The following CFAP221 variants were observed in gnomAD, a reference collection of about 807,000 sequenced individuals.
CFAP221 encodes cilia- and flagella-associated protein 221.
In CFAP221, 97 loss-of-function variants were observed where a neutral mutation model predicts 113.1. The observed-to-expected ratio is 0.86, with a 90% CI of 0.73 to 1.02. CFAP221 has a LOEUF of 1.02. Among genes scored for constraint, CFAP221 ranks in the 50% least tolerant of loss-of-function variants. The pLI, the probability that CFAP221 is intolerant of heterozygous loss-of-function variation, is 0.00. For missense variants in CFAP221, 1,025 were observed against 1,013.4 expected (o/e 1.01, Z -0.16); for synonymous variants, 331 against 354.4 (o/e 0.93, Z 0.74).
Position 119,646,169 on chromosome 2 carries a change from T to C in CFAP221, c.2226-789T>C, listed in dbSNP as rs184191390. 7.2e-5 allele frequency among the ~76,000 whole-genome samples: 11 copies of C among 152,298 alleles called. No individual in the cohort carries two copies. The East Asian group carries it at 1.4e-3, about 19-fold the overall frequency. On this transcript the variant is annotated intron_variant, in intron 21 of 23. Coordinates refer to ENST00000413369, the MANE Select transcript of CFAP221 (RefSeq NM_001271049.2). Reference sequence around the variant, plus strand: ...GTGGGGAGGAAGATATGAAATGGAATAGAATGTCTAAGAAGGAGTATAAAG... The same window carrying C: ...GTGGGGAGGAAGATATGAAATGGAACAGAATGTCTAAGAAGGAGTATAAAG...
At chr2:119,601,464 A>G in intron 8 of CFAP221, 87 bp downstream of exon 8, 2 of 1,233,208 alleles carry the variant, frequency 1.6e-6, no homozygotes, top group Non-Finnish European at 2.1e-6. Context: ...TCTTTCTTGT[A>G]AAAGAATGTC....
chr2:119,646,057 C>T (rs1402848371), intron 21 of CFAP221, among the ~76,000 whole-genome samples: 4 of 152,278 alleles, frequency 2.6e-5, no homozygotes, highest in African/African-American at 7.2e-5. Flanking sequence ...GTATTTTCCA[C>T]CCTATCTCAA....
chr2:119,582,734 G>A (rs1339171204), intron 6 of CFAP221, among the ~76,000 whole-genome samples: 2 of 152,226 alleles, frequency 1.3e-5, no homozygotes, highest in Admixed American at 1.3e-4. Flanking sequence ...TGGATTACAG[G>A]CGTGAGCCAC....
intron 14 of CFAP221, among the ~76,000 whole-genome samples, chr2:119,623,761 A>G (rs1686102799): frequency 1.3e-5 from 2 of 152,232 alleles, no homozygotes; most frequent in South Asian, 4.1e-4. Context: ...AAAACAAGCA[A>G]TGGGGAAAGG....
intron 6 of CFAP221, chr2:119,572,435 T>C: frequency 1.7e-6 from 1 of 575,256 alleles, no homozygotes; most frequent in Non-Finnish European, 3.1e-6. Context: ...TCAATCTTCT[T>C]ATAATAAGTA....
At chr2:119,658,049 C>T (rs908674325), downstream of CFAP221, among the ~76,000 whole-genome samples, 2 of 152,146 alleles carry the variant, frequency 1.3e-5, no homozygotes, top group Non-Finnish European at 2.9e-5. Context: ...CCTGTTTCTC[C>T]TCAGCTTTTT....
intron 6 of CFAP221, among the ~76,000 whole-genome samples, chr2:119,572,146 TA>T (rs1168699618): frequency 1.3e-5 from 2 of 152,250 alleles, no homozygotes; most frequent in Non-Finnish European, 2.9e-5. Flanking sequence ...GATAAAATTC[TA>T]TGTGGGCACT....
Position 119,604,740 on chromosome 2 carries a change from T to C in CFAP221, c.860T>C (p.Met287Thr), listed in dbSNP as rs1276315169. The stretch of plus-strand genomic sequence containing the variant: ...AACGTTCCTCCAGAAAAAGCAATGA[T>C]GCATATAAATTTTCACCGACCGCCA... ...KVNVPPEKAM[M>T]HINFHRPPAK... The change falls in exon 9 of 24, where the codon ATG (methionine) becomes ACG (threonine). Residue 287 changes from methionine to threonine, a missense_variant. Coordinates refer to ENST00000413369, the MANE Select transcript of CFAP221 (RefSeq NM_001271049.2). 6.5e-7 allele frequency: 1 copy of C among 1,549,740 alleles called. No individual in the cohort carries two copies. Among genetic ancestry groups the C allele is most frequent in the Non-Finnish European group, 8.7e-7 (1 of 1,152,958 alleles).
chr2:119,568,497 C>G (rs11684478), intron 6 of CFAP221, among the ~76,000 whole-genome samples: 28,734 of 151,998 alleles, frequency 0.19, 2,894 homozygotes, highest in African/African-American at 0.25. Flanking sequence ...CCGTGCCCCC[C>G]ACCTCCCGAC....
intron 19 of CFAP221, among the ~76,000 whole-genome samples, chr2:119,637,185 G>A (rs1014676124): frequency 6.6e-6 from 1 of 152,128 alleles, no homozygotes; most frequent in Non-Finnish European, 1.5e-5. Flanking sequence ...AGTGGTCATC[G>A]TTGCCTTCCT....
At chr2:119,594,561 T>C (rs1443988817) in intron 7 of CFAP221, among the ~76,000 whole-genome samples, 1 of 152,142 alleles carries the variant, frequency 6.6e-6, no homozygotes, top group African/African-American at 2.4e-5. Context: ...GTATTCTTTA[T>C]GTGATTTTCT....
At chr2:119,626,001 G>A (rs185669449) in intron 15 of CFAP221, among the ~76,000 whole-genome samples, 2 of 152,208 alleles carry the variant, frequency 1.3e-5, no homozygotes, top group Non-Finnish European at 2.9e-5. Context: ...CAGTTCTGGA[G>A]GTCAGAAGTC....
Position 119,629,885 on chromosome 2 carries a change from G to A in CFAP221, c.1661G>A (p.Gly554Asp), listed in dbSNP as rs756941486. The change falls in exon 17 of 24, where the codon GGC becomes GAC. Residue 554 changes from glycine to aspartate, a missense_variant. Physicochemically the swap from Gly to Asp is moderately conservative, Grantham distance 94 (BLOSUM62 -1). Coordinates refer to ENST00000413369, the MANE Select transcript of CFAP221 (RefSeq NM_001271049.2). ...CCTTTCACATTTTAGGCTCCTGATG[G>A]CCTTGGACTGGTCCCAATTAAGTCT... ...PQDSNELAPD[G>D]LGLVPIKSSE... The A allele has an allele frequency of 5.0e-6, 8 of 1,612,712 alleles. No homozygotes were observed. In the East Asian group the frequency reaches 1.6e-4, roughly 31 times the overall value.
intron 12 of CFAP221, 38 bp from the exon 13 acceptor site, chr2:119,611,615 A>G (rs1558961015): frequency 2.6e-6 from 4 of 1,544,204 alleles, no homozygotes; most frequent in Middle Eastern, 1.7e-4. Context: ...TTACGCATTT[A>G]TATTCAACTT....
At chr2:119,611,596 C>A in intron 12 of CFAP221, 57 bp from the exon 13 acceptor site, 1 of 1,476,630 alleles carries the variant, frequency 6.8e-7, no homozygotes, top group Non-Finnish European at 9.3e-7. Context: ...GTTTTAAAGA[C>A]AAATTGTTTT....
Position 119,604,699 on chromosome 2 carries a change from C to G in CFAP221, c.819C>G (p.Thr273=), listed in dbSNP as rs777605831. The change falls in exon 9 of 24, where the codon ACC becomes ACG. Residue 273 remains threonine, a synonymous_variant. Transcript: ENST00000413369. ...LPLEEFERLN[T]LSKKVNVPPE... ...TAGAAGAGTTTGAAAGGTTGAATAC[C>G]CTTTCTAAGAAAGTAAACGTTCCTC... The G allele has an allele frequency of 3.9e-6, 6 of 1,555,340 alleles. No individual in the cohort carries two copies. The highest frequency in any genetic ancestry group is 1.7e-4 in the Middle Eastern group (1 of 5,752).
intron 21 of CFAP221, 65 bp downstream of exon 21, chr2:119,639,937 C>T: frequency 7.2e-7 from 1 of 1,380,572 alleles, no homozygotes; most frequent in Non-Finnish European, 1.0e-6. Flanking sequence ...GGCAATGATC[C>T]CCAAAAGTTA....
chr2:119,633,117 A>G (rs1046284459), intron 19 of CFAP221, among the ~76,000 whole-genome samples: 2 of 152,084 alleles, frequency 1.3e-5, no homozygotes, highest in Non-Finnish European at 2.9e-5. Context: ...AGAAAAGATA[A>G]TCTTTCAACA....
intron 14 of CFAP221, among the ~76,000 whole-genome samples, chr2:119,621,770 ACCTG>A (rs1419655222): frequency 3.3e-5 from 5 of 152,210 alleles, no homozygotes; most frequent in African/African-American, 1.2e-4. Flanking sequence ...AAACTGAACA[ACCTG>A]CTCCTGAATG....
Sources: gnomAD v4.1 joint callset for allele counts (sites outside exome capture counted in the v4.1 genomes callset) on GRCh38, gnomAD v4.1.1 for gene constraint, MANE v1.5 for transcripts, NCBI Gene and HGNC (gene_info 2026-07-23, HGNC 2026-07-21) for gene names.